BCL6: variants seen among roughly 807,000 people sequenced by gnomAD.
The protein encoded by BCL6 is BCL6 transcription repressor.
Under a neutral mutation model 59.5 loss-of-function variants are expected in BCL6, and 7 were observed. That is an observed-to-expected ratio of 0.12 (90% CI 0.07 to 0.22). The LOEUF is 0.22. Ranked by LOEUF, BCL6 falls within the 10% of genes least tolerant of loss-of-function variation. BCL6 has a pLI of 1.00. For missense variants in BCL6, 685 were observed against 939.4 expected, an observed-to-expected ratio of 0.73 and a Z score of 3.54; for synonymous variants, 339 against 349.7, an observed-to-expected ratio of 0.97 and a Z score of 0.34.
rs1718631095 is a variant in BCL6, at chr3:187,725,381, C to T, written c.1839+118G>A. 6.5e-7 allele frequency: 1 copy of T among 1,540,004 alleles called. No individual in the cohort carries two copies. Among genetic ancestry groups the T allele is most frequent in the Non-Finnish European group, 8.7e-7 (1 of 1,145,656 alleles). On this transcript the variant is annotated intron_variant, in intron 8 of 9. Coordinates refer to ENST00000406870, the MANE Select transcript of BCL6 (RefSeq NM_001706.5). This position sits in a 1 kb window ranked among gnomAD's most constrained non-coding sequence, Gnocchi z 4.7. ...CCTGCCCGCTCTGCTCACCTGCCCG[C>T]TCCGCTTGCCTGCCCGCTCCACTTG...
Position 187,727,262 on chromosome 3 carries a change from T to C in BCL6, c.1541-364A>G, listed in dbSNP as rs1447618624. Among the ~76,000 whole-genome samples the C allele has an allele frequency of 5.3e-5, 8 of 152,266 alleles. No individual in the cohort carries two copies. In the East Asian group the frequency reaches 1.3e-3, roughly 26 times the overall value. ...AAATAAGTTTACAGTTTTATTTACA[T>C]TTATACACAGAAGCCCTAGGGCAAG... is the stretch of plus-strand genomic sequence containing the variant. On this transcript the variant is annotated intron_variant, in intron 6 of 9. Transcript: ENST00000406870.
chr3:187,745,202 C>G (rs574673413), intron 1 of BCL6, among the ~76,000 whole-genome samples: 2 of 152,140 alleles, frequency 1.3e-5, no homozygotes, highest in Admixed American at 6.5e-5. Context: ...ATTTTAACAC[C>G]TGACAGCTAG....
chr3:187,742,033 A>G (rs1579828825), intron 1 of BCL6, among the ~76,000 whole-genome samples: 1 of 152,228 alleles, frequency 6.6e-6, no homozygotes, highest in East Asian at 1.9e-4. Flanking sequence ...CCTAGTTGGA[A>G]AGCAACATTT....
In BCL6 at chr3:187,725,775, C is replaced by T; in HGVS notation, c.1709-146G>A. The T allele has an allele frequency of 9.5e-7, 1 of 1,048,712 alleles. No homozygotes were observed. The highest frequency in any genetic ancestry group is 2.2e-4 in the Middle Eastern group (1 of 4,544). The allele number at this position is 1,048,712 out of a possible 1,614,324, so 65.0% of individuals were successfully genotyped here. ...CCTTAGGGAATGTGAGAGAGAGAAT[C>T]CAGGGGCCTGCCCCCACATCTGTCA... On this transcript the variant is annotated intron_variant, in intron 7 of 9. Coordinates refer to ENST00000406870, the MANE Select transcript of BCL6 (RefSeq NM_001706.5). The surrounding 1 kb of genome is among the most constrained non-coding windows in gnomAD (Gnocchi z 4.7).
Position 187,733,690 on chromosome 3 carries a change from C to T in BCL6, c.4G>A (p.Ala2Thr), listed in dbSNP as rs200997613. 5 of 1,613,998 alleles carry T rather than the reference C, an allele frequency of 3.1e-6. No homozygotes were observed. The highest frequency in any genetic ancestry group is 4.5e-5 in the East Asian group (2 of 44,884). ...TGGATACAGCTGTCAGCCGGCGAGG[C>T]CATTTTGTCTTCACTTGAAAAAAGA... The part of the protein sequence containing the change: M[A>T]SPADSCIQFT... The change falls in exon 3 of 10, where the codon GCC becomes ACC. Residue 2 changes from alanine (A) to threonine (T), a missense_variant. By Grantham distance (58) the Ala-to-Thr change is moderately conservative. Coordinates refer to ENST00000406870, the MANE Select transcript of BCL6 (RefSeq NM_001706.5).
chr3:187,725,461 TCGCCTGCCCGCTCC>T lies in BCL6; in HGVS notation c.1839+24_1839+37del, dbSNP rs1718641915. 2 of 1,608,684 alleles carry T rather than the reference TCGCCTGCCCGCTCC, an allele frequency of 1.2e-6. No individual in the cohort carries two copies. The highest frequency in any genetic ancestry group is 1.3e-5 in the African/African-American group (1 of 74,212). Reference sequence around the variant, plus strand: ...TCCTCCGCTCGCCTGCCCGCTCCGCTCGCCTGCCCGCTCCGCTCGCCTGCCCACTCTGCTCACCT... The same window carrying T: ...TCCTCCGCTCGCCTGCCCGCTCCGCTGCTCGCCTGCCCACTCTGCTCACCT... On this transcript the variant is annotated intron_variant, in intron 8 of 9. Coordinates refer to ENST00000406870, the MANE Select transcript of BCL6 (RefSeq NM_001706.5). This position sits in a 1 kb window ranked among gnomAD's most constrained non-coding sequence, Gnocchi z 4.7.
intron 1 of BCL6, among the ~76,000 whole-genome samples, chr3:187,739,512 G>A (rs1380387609): frequency 1.3e-5 from 2 of 152,242 alleles, no homozygotes; most frequent in Non-Finnish European, 2.9e-5. Context: ...CAGCCGCTTT[G>A]GATAACCGAG....
At chr3:187,745,148 T>C (rs535344746) in intron 1 of BCL6, among the ~76,000 whole-genome samples, 7 of 152,202 alleles carry the variant, frequency 4.6e-5, no homozygotes, top group East Asian at 3.9e-4. Flanking sequence ...CATAACAATC[T>C]ATATCCTATG....
intron 1 of BCL6, among the ~76,000 whole-genome samples, chr3:187,744,754 A>G (rs577193186): frequency 2.6e-5 from 4 of 152,180 alleles, no homozygotes; most frequent in East Asian, 1.9e-4. Context: ...AGGGGAAGGG[A>G]AGGAAGAAGA....
chr3:187,733,122 G>A (rs1367424238), intron 3 of BCL6, among the ~76,000 whole-genome samples: 1 of 152,158 alleles, frequency 6.6e-6, no homozygotes, highest in Non-Finnish European at 1.5e-5. Flanking sequence ...AAATTCAGTT[G>A]TAGCAAAAAA....
Position 187,725,342 on chromosome 3 carries a change from G to C in BCL6, c.1839+157C>G, listed in dbSNP as rs999794416. On this transcript the variant is annotated intron_variant, in intron 8 of 9. Coordinates refer to ENST00000406870, the MANE Select transcript of BCL6 (RefSeq NM_001706.5). The surrounding 1 kb of genome is among the most constrained non-coding windows in gnomAD (Gnocchi z 4.7). ...CTCTGCTCACCTGCACACGGGGACT[G>C]AGTGGGACTTTCTCCTGCCCGCTCT... Among the ~76,000 whole-genome samples, 2 of 149,900 alleles carry C rather than the reference G, an allele frequency of 1.3e-5. No homozygotes were observed. The highest frequency in any genetic ancestry group is 3.0e-5 in the Non-Finnish European group (2 of 67,518).
intron 4 of BCL6, 138 bp from the exon 5 acceptor site, chr3:187,730,159 C>T: frequency 1.6e-6 from 2 of 1,233,146 alleles, no homozygotes; most frequent in Non-Finnish European, 2.2e-6. Context: ...AGCAGGGAAC[C>T]ACAATTACAA....
rs761505079 is a variant in BCL6, at chr3:187,728,476, C to A, written c.1424G>T (p.Cys475Phe). ...HSPLYMHPPKCTSCGSQSPQH... is the reference protein window; with the variant it reads ...HSPLYMHPPKFTSCGSQSPQH... ...TGGGGACTGAGAGCCGCAGGACGTG[C>A]ACTTCGGGGGGTGCATGTAGAGTGG... Residue 475 changes from cysteine (C) to phenylalanine (F), a missense_variant, in exon 6 of 10, where the codon TGC becomes TTC. This residue lies in a region of BCL6 where 207 missense variants were observed against 213.7 expected (regional missense o/e 0.97). Transcript: ENST00000406870. The A allele has an allele frequency of 6.2e-7, 1 of 1,611,804 alleles. No individual in the cohort carries two copies. The highest frequency in any genetic ancestry group is 1.3e-5 in the African/African-American group (1 of 74,758).
In BCL6 at chr3:187,722,760, G is replaced by A. The variant is rs138204883; in HGVS notation, c.1978-159C>T. ...ACCCATATGCATCCGGGCTTCTGCCGACAGATAAGCTAGCGTTGTGCAAAT... is the reference window on the plus strand; with the variant it reads ...ACCCATATGCATCCGGGCTTCTGCCAACAGATAAGCTAGCGTTGTGCAAAT... On this transcript the variant is annotated intron_variant, in intron 9 of 9. Transcript: ENST00000406870. Among the ~76,000 whole-genome samples, 1,022 of 152,310 alleles carry A rather than the reference G, an allele frequency of 6.7e-3. 8 individuals are homozygous for A. The highest frequency in any genetic ancestry group is 0.023 in the African/African-American group (954 of 41,558).
At chr3:187,745,344 A>G (rs1711903004) in intron 1 of BCL6, 66 bp downstream of exon 1, 1 of 402,024 alleles carries the variant, frequency 2.5e-6, no homozygotes, top group Non-Finnish European at 4.4e-6. Flanking sequence ...CGGCAGCGGC[A>G]CCAGCGGCAA....
chr3:187,732,188 AG>A (rs1719080350), intron 3 of BCL6, among the ~76,000 whole-genome samples: 1 of 152,162 alleles, frequency 6.6e-6, no homozygotes, highest in Admixed American at 6.5e-5. Flanking sequence ...AACTAAGATC[AG>A]GGGGGTTAAG....
At chr3:187,735,763 C>T (rs1719254379) in intron 1 of BCL6, among the ~76,000 whole-genome samples, 1 of 151,994 alleles carries the variant, frequency 6.6e-6, no homozygotes, top group Non-Finnish European at 1.5e-5. Context: ...ATTAAAAGCA[C>T]AGGTGTAAGA....
At chr3:187,733,512 C>T in intron 3 of BCL6, 21 bp downstream of exon 3, 1 of 1,610,006 alleles carries the variant, frequency 6.2e-7, no homozygotes, top group Non-Finnish European at 8.5e-7. Context: ...CTTACCCACC[C>T]TTTCCTTTCA....
intron 9 of BCL6, 71 bp from the exon 10 acceptor site, chr3:187,722,672 G>A (rs1261607054): frequency 9.0e-6 from 14 of 1,560,042 alleles, no homozygotes; most frequent in Non-Finnish European, 1.2e-5. Context: ...CAAAGACCCA[G>A]AGAGGAAGAT....
Sources: allele counts gnomAD v4.1 joint callset (sites outside exome capture counted in the v4.1 genomes callset), GRCh38; gene constraint gnomAD v4.1.1; regional missense constraint gnomAD v4.1.1; non-coding constraint Gnocchi (gnomAD v3.1); transcripts MANE v1.5; gene names NCBI Gene and HGNC (gene_info 2026-07-23, HGNC 2026-07-21).